UGT1A3: variants seen among roughly 807,000 people sequenced by gnomAD.
UGT1A3 encodes the protein UDP glucuronosyltransferase family 1 member A3.
In UGT1A3, 31 loss-of-function variants were observed where a neutral mutation model predicts 41.0. That is an observed-to-expected ratio of 0.76 (90% CI 0.57 to 1.02). UGT1A3 has a LOEUF of 1.02. Among genes scored for constraint, UGT1A3 ranks in the 50% least tolerant of loss-of-function variants. UGT1A3 has a pLI of 0.00. For missense variants in UGT1A3, 737 were observed against 671.0 expected (o/e 1.10, Z -1.09); for synonymous variants, 262 against 257.6 (o/e 1.02, Z -0.17).
intron 1 of UGT1A3, among the ~76,000 whole-genome samples, chr2:233,746,725 G>A (rs1489490060): frequency 6.6e-6 from 1 of 151,774 alleles, no homozygotes; most frequent in Non-Finnish European, 1.5e-5. Flanking sequence ...AATTAGCAAT[G>A]GATTCTGCTT....
At chr2:233,763,140 C>T (rs1698247941) in intron 1 of UGT1A3, among the ~76,000 whole-genome samples, 1 of 152,192 alleles carries the variant, frequency 6.6e-6, no homozygotes, top group African/African-American at 2.4e-5. Context: ...ATTGATATAA[C>T]CATAAAAGTC....
intron 1 of UGT1A3, chr2:233,743,973 G>C (rs1575662575): frequency 7.6e-7 from 1 of 1,312,160 alleles, no homozygotes; most frequent in East Asian, 4.7e-5. Flanking sequence ...AAGGCTGCCA[G>C]CACCCAGGCG....
chr2:233,755,029 T>TGCC (rs1403336975), intron 1 of UGT1A3: 1 of 1,312,020 alleles, frequency 7.6e-7, no homozygotes, highest in Admixed American at 1.9e-5. Flanking sequence ...TTGAAGGGCC[T>TGCC]GCCGCCTGCG....
intron 1 of UGT1A3, among the ~76,000 whole-genome samples, chr2:233,745,005 A>G (rs1189988608): frequency 6.6e-6 from 1 of 151,852 alleles, no homozygotes; most frequent in Non-Finnish European, 1.5e-5. Context: ...CTTTTACCTA[A>G]TAAATGTAAA....
chr2:233,741,050 G>A (rs1276633164), intron 1 of UGT1A3, among the ~76,000 whole-genome samples: 2 of 151,768 alleles, frequency 1.3e-5, no homozygotes, highest in African/African-American at 4.9e-5. Context: ...TCTTGCCTAG[G>A]TAACAGCTAC....
chr2:233,767,427 G>A (rs1439996149), intron 2 of UGT1A3, among the ~76,000 whole-genome samples: 1 of 152,164 alleles, frequency 6.6e-6, no homozygotes, highest in Non-Finnish European at 1.5e-5. Context: ...GTGTATTAGG[G>A]AGAATTTATT....
At chr2:233,732,108 C>T (rs1321461905) in intron 1 of UGT1A3, among the ~76,000 whole-genome samples, 1 of 150,998 alleles carries the variant, frequency 6.6e-6, no homozygotes, top group Non-Finnish European at 1.5e-5. Context: ...TGTTCATATC[C>T]TTTGCCCACT....
chr2:233,758,249 A>C (rs1008368022), intron 1 of UGT1A3, among the ~76,000 whole-genome samples: 1 of 152,236 alleles, frequency 6.6e-6, no homozygotes, highest in African/African-American at 2.4e-5. Context: ...CCCACTATTC[A>C]GATTAGTAAG....
intron 1 of UGT1A3, among the ~76,000 whole-genome samples, chr2:233,764,782 C>A (rs1260988013): frequency 6.6e-6 from 1 of 152,064 alleles, no homozygotes; most frequent in Non-Finnish European, 1.5e-5. Flanking sequence ...TCAGAAAAAC[C>A]ATCCTCAGGG....
intron 1 of UGT1A3, among the ~76,000 whole-genome samples, chr2:233,756,699 T>C (rs1393034568): frequency 2.0e-5 from 3 of 152,130 alleles, no homozygotes; most frequent in Non-Finnish European, 4.4e-5. Flanking sequence ...ACGATGAATT[T>C]TGGGGGGACT....
At chr2:233,734,842 C>T (rs1375644897) in intron 1 of UGT1A3, among the ~76,000 whole-genome samples, 1 of 152,178 alleles carries the variant, frequency 6.6e-6, no homozygotes, top group Non-Finnish European at 1.5e-5. Flanking sequence ...GTTTCTTAAT[C>T]CAGAGTTCTA....
At position 233,760,569 on chromosome 2, in the gene UGT1A3, T is replaced by C. The variant is rs146052898; in HGVS notation, c.868-6465T>C. On this transcript the variant is annotated intron_variant, in intron 1 of 4. Transcript: ENST00000482026. ...AGGATGTGAAAGAGTCTTTTGTTAGTCTCGGGCATAATGTTTTTGAGAATG... is the reference window on the plus strand; with the variant it reads ...AGGATGTGAAAGAGTCTTTTGTTAGCCTCGGGCATAATGTTTTTGAGAATG... 389 of 1,614,128 alleles carry C rather than the reference T, an allele frequency of 2.4e-4. No homozygotes were observed. The highest frequency in any genetic ancestry group is 3.1e-4 in the Non-Finnish European group (360 of 1,180,054).
Position 233,729,553 on chromosome 2 carries a change from G to A in UGT1A3, c.427G>A (p.Ala143Thr). The A allele has an allele frequency of 6.2e-7, 1 of 1,614,176 alleles. No homozygotes were observed. Among genetic ancestry groups the A allele is most frequent in the Middle Eastern group, 1.7e-4 (1 of 6,060 alleles). The change falls in exon 1 of 5, where the codon GCT becomes ACT. Residue 143 changes from alanine to threonine, a missense_variant. Coordinates refer to ENST00000482026, the MANE Select transcript of UGT1A3 (RefSeq NM_019093.4). ...HNEALIRHLNATSFDVVLTDP... is the reference protein window; with the variant it reads ...HNEALIRHLNTTSFDVVLTDP... ...TGAGGCCCTGATCAGGCACCTGAAT[G>A]CTACTTCCTTTGATGTGGTTTTAAC...
At chr2:233,761,616 T>C (rs1314305067) in intron 1 of UGT1A3, among the ~76,000 whole-genome samples, 1 of 152,246 alleles carries the variant, frequency 6.6e-6, no homozygotes, top group East Asian at 1.9e-4. Flanking sequence ...AATATTCTGA[T>C]AAGAAGCTAA....
At chr2:233,772,179 C>T (rs540394959) in intron 4 of UGT1A3, 83 bp from the exon 5 acceptor site, 1 of 1,585,310 alleles carries the variant, frequency 6.3e-7, no homozygotes, top group East Asian at 2.3e-5. Context: ...ATCTGGTAGT[C>T]TTCTTAAGCA....
chr2:233,743,692 G>C, intron 1 of UGT1A3: 2 of 1,367,218 alleles, frequency 1.5e-6, no homozygotes, highest in Non-Finnish European at 2.0e-6. Context: ...CTGTGCAGCC[G>C]CCCTCCGCCC....
chr2:233,756,725 G>A (rs1363632350), intron 1 of UGT1A3, among the ~76,000 whole-genome samples: 1 of 152,038 alleles, frequency 6.6e-6, no homozygotes, highest in Non-Finnish European at 1.5e-5. Flanking sequence ...TGAGATCTGA[G>A]TTCTCTTCAC....
chr2:233,772,622 C>A lies in UGT1A3; in HGVS notation c.*63C>A, dbSNP rs894885863. 5 of 1,567,432 alleles carry A rather than the reference C, an allele frequency of 3.2e-6. No homozygotes were observed. The highest frequency in any genetic ancestry group is 3.5e-6 in the Non-Finnish European group (4 of 1,155,382). ...CCCTAGTCATTTCCAAACTTGAAAA[C>A]AGAATCAGTGTTAAATTCATTTTAT... On this transcript the variant is annotated 3_prime_UTR_variant, in exon 5 of 5. Transcript: ENST00000482026.
chr2:233,760,213 G>A (rs1697347884), intron 1 of UGT1A3: 1 of 1,592,276 alleles, frequency 6.3e-7, no homozygotes, highest in Non-Finnish European at 8.5e-7. Context: ...CATTAACTTG[G>A]TGTATCGATT....
Sources: gnomAD v4.1 joint callset for allele counts (sites outside exome capture counted in the v4.1 genomes callset) on GRCh38, gnomAD v4.1.1 for gene constraint, MANE v1.5 for transcripts, NCBI Gene and HGNC (gene_info 2026-07-23, HGNC 2026-07-21) for gene names.